Variants in FXN observed in about 807,000 individuals in gnomAD.
The protein encoded by FXN is frataxin, mitochondrial.
FXN carries 14 observed loss-of-function variants against 22.4 expected under a neutral mutation model. That is an observed-to-expected ratio of 0.62 (90% CI 0.41 to 0.98). The LOEUF is 0.98. Among genes scored for constraint, FXN ranks in the 50% least tolerant of loss-of-function variants. FXN has a pLI of 0.00. For synonymous variants in FXN, 120 were observed against 114.1 expected (o/e 1.05, Z -0.33); for missense variants, 267 against 268.4 (o/e 0.99, Z 0.04).
chr9:69,070,729 G>GT (rs201425763), intron 4 of FXN, among the ~76,000 whole-genome samples: 3,744 of 147,778 alleles, frequency 0.025, 139 homozygotes, highest in African/African-American at 0.087. Flanking sequence ...AAAAAATTTT[G>GT]TTTTTTTTTC....
At chr9:69,056,236 G>A (rs985463045) in intron 3 of FXN, among the ~76,000 whole-genome samples, 2 of 152,162 alleles carry the variant, frequency 1.3e-5, no homozygotes, top group Non-Finnish European at 2.9e-5. Flanking sequence ...ACTACCTGTA[G>A]GCAGGAAGCA....
chr9:69,063,251 C>T (rs1832107707), intron 3 of FXN, among the ~76,000 whole-genome samples: 1 of 152,112 alleles, frequency 6.6e-6, no homozygotes, highest in African/African-American at 2.4e-5. Flanking sequence ...TATCTTTTAT[C>T]GCTGGTTAAT....
Position 69,077,973 on chromosome 9 carries a change from G to C in FXN, c.*5211G>C. 1.0e-6 allele frequency: 1 copy of C among 984,750 alleles called. No homozygotes were observed. Among genetic ancestry groups the C allele is most frequent in the Non-Finnish European group, 1.2e-6 (1 of 829,404 alleles). The allele number at this position is 984,750 out of a possible 1,614,324, so 61.0% of individuals were successfully genotyped here. A position where few individuals can be genotyped will look rare whatever the true frequency, so the allele number is the denominator to read the frequency against. On this transcript the variant is annotated 3_prime_UTR_variant, in exon 5 of 5. Coordinates refer to ENST00000484259, the MANE Select transcript of FXN (RefSeq NM_000144.5). ...GTCTGCCATCTTAAGTGTAAAGGTGGCTAAATTATATAGAAAAATAAGACA... is the reference window on the plus strand; with the variant it reads ...GTCTGCCATCTTAAGTGTAAAGGTGCCTAAATTATATAGAAAAATAAGACA...
intron 3 of FXN, among the ~76,000 whole-genome samples, chr9:69,060,317 A>G (rs1341101038): frequency 2.6e-5 from 4 of 151,328 alleles, no homozygotes; most frequent in Admixed American, 2.0e-4. Context: ...CTTGCAGTGA[A>G]CCAAGATCGA....
intron 3 of FXN, among the ~76,000 whole-genome samples, chr9:69,060,340 T>C (rs1044175976): frequency 4.0e-5 from 6 of 150,074 alleles, no homozygotes; most frequent in East Asian, 3.9e-4. Flanking sequence ...CACTGCACTC[T>C]AGCCTGGGTG....
Position 69,072,627 on chromosome 9 carries a change from T to C in FXN, c.498T>C (p.Tyr166=), listed in dbSNP as rs1587832283. 3 of 1,614,192 alleles carry C rather than the reference T, an allele frequency of 1.9e-6. No homozygotes were observed. Among genetic ancestry groups the C allele is most frequent in the South Asian group, 1.1e-5 (1 of 91,078 alleles). Residue 166 remains tyrosine, a synonymous_variant, in exon 5 of 5, where the codon TAT becomes TAC. Transcript: ENST00000484259. ...LSSPSSGPKR[Y]DWTGKNWVYS... is the part of the protein sequence containing the mutation. ...TGTCTTCCAGTGGACCTAAGCGTTA[T>C]GACTGGACTGGGAAAAACTGGGTGT...
intron 3 of FXN, among the ~76,000 whole-genome samples, chr9:69,056,044 C>T (rs971806188): frequency 2.0e-5 from 3 of 151,780 alleles, no homozygotes; most frequent in Non-Finnish European, 4.4e-5. Context: ...CCACCATACT[C>T]GGCTAATTAT....
chr9:69,064,817 G>T (rs964036840), intron 3 of FXN, 121 bp from the exon 4 acceptor site: 10 of 704,744 alleles, frequency 1.4e-5, no homozygotes, highest in Middle Eastern at 6.9e-4. Context: ...TTTCTTTATG[G>T]TGTATTTTGT....
rs536918708 is a variant in FXN, at chr9:69,076,320, A to G, written c.*3558A>G. 43 of 985,186 alleles carry G rather than the reference A, an allele frequency of 4.4e-5. No homozygotes were observed. The South Asian group carries it at 1.6e-3, about 37-fold the overall frequency. 61.0% of individuals were successfully genotyped at this position (985,186 alleles called of 1,614,324 possible). A position where few individuals can be genotyped will look rare whatever the true frequency, so the allele number is the denominator to read the frequency against. On this transcript the variant is annotated 3_prime_UTR_variant, in exon 5 of 5. Coordinates refer to ENST00000484259, the MANE Select transcript of FXN (RefSeq NM_000144.5). ...TGTGAGAAGTACTCAGTTCATGACA[A>G]CTGTTGTTCTCACATGCATAGCATA...
At chr9:69,047,724 CT>C (rs139522465) in intron 2 of FXN, among the ~76,000 whole-genome samples, 2 of 151,296 alleles carry the variant, frequency 1.3e-5, no homozygotes, top group Non-Finnish European at 3.0e-5. Context: ...CTCTCTCTCT[CT>C]TTTTTTTTCT....
intron 3 of FXN, among the ~76,000 whole-genome samples, chr9:69,056,887 C>T (rs545018122): frequency 1.1e-4 from 16 of 147,632 alleles, no homozygotes; most frequent in Admixed American, 1.3e-4. Flanking sequence ...GGATTACAGG[C>T]GCCTGCCACC....
Position 69,077,799 on chromosome 9 carries a change from G to A in FXN, c.*5037G>A, listed in dbSNP as rs761716704. Reference sequence around the variant, plus strand: ...ACAAAAATTAGCTGGCCGTAGTGGCGCACGCCTGTTATCCCAGCTACTCGG... The same window carrying A: ...ACAAAAATTAGCTGGCCGTAGTGGCACACGCCTGTTATCCCAGCTACTCGG... On this transcript the variant is annotated 3_prime_UTR_variant, in exon 5 of 5. Coordinates refer to ENST00000484259, the MANE Select transcript of FXN (RefSeq NM_000144.5). 114 of 577,024 alleles carry A rather than the reference G, an allele frequency of 2.0e-4. No individual in the cohort carries two copies. The highest frequency in any genetic ancestry group is 2.2e-4 in the Non-Finnish European group (102 of 457,564). 35.7% of individuals were successfully genotyped at this position (577,024 alleles called of 1,614,324 possible). A position where few individuals can be genotyped will look rare whatever the true frequency, so the allele number is the denominator to read the frequency against.
intron 3 of FXN, among the ~76,000 whole-genome samples, chr9:69,061,861 A>AT (rs1460612764): frequency 5.3e-5 from 8 of 152,062 alleles, no homozygotes; most frequent in African/African-American, 1.9e-4. Flanking sequence ...TGAACTCATC[A>AT]TTTTTTATTG....
Position 69,076,388 on chromosome 9 carries a change from A to T in FXN, c.*3626A>T. 1 of 985,370 alleles carries T rather than the reference A, an allele frequency of 1.0e-6. No individual in the cohort carries two copies. Among genetic ancestry groups the T allele is most frequent in the Non-Finnish European group, 1.2e-6 (1 of 829,874 alleles). 61.0% of individuals were successfully genotyped at this position (985,370 alleles called of 1,614,324 possible). ...GAGGACTTCTCCCAAAATATGGATG[A>T]CGTTCCCTACTCAACCTTGAACTTA... On this transcript the variant is annotated 3_prime_UTR_variant, in exon 5 of 5. Transcript: ENST00000484259.
rs1400336721 is a variant in FXN at position 69,076,123 on chromosome 9, G to A, written c.*3361G>A. The A allele has an allele frequency of 8.1e-6, 8 of 984,868 alleles. No individual in the cohort carries two copies. The highest frequency in any genetic ancestry group is 3.5e-5 in the African/African-American group (2 of 57,192). 61.0% of individuals were successfully genotyped at this position (984,868 alleles called of 1,614,324 possible). A position where few individuals can be genotyped will look rare whatever the true frequency, so the allele number is the denominator to read the frequency against. ...TGGAATTACAAAGAAGGAATGAGGT[G>A]TGTAAAAGAGAACCTGGGTTTTTGA... On this transcript the variant is annotated 3_prime_UTR_variant, in exon 5 of 5. Transcript: ENST00000484259.
chr9:69,072,540 G>A (rs1309818800), intron 4 of FXN, 72 bp from the exon 5 acceptor site: 1 of 1,610,170 alleles, frequency 6.2e-7, no homozygotes, highest in African/African-American at 1.3e-5. Context: ...CTTGGGGGCA[G>A]CATTTGTGGA....
At chr9:69,040,675 A>T (rs939265514) in intron 1 of FXN, among the ~76,000 whole-genome samples, 10 of 152,096 alleles carry the variant, frequency 6.6e-5, no homozygotes, top group African/African-American at 1.2e-4. Flanking sequence ...CTCAAAGAAA[A>T]AAATAAATAA....
chr9:69,040,622 C>A (rs1298222525), intron 1 of FXN, among the ~76,000 whole-genome samples: 1 of 152,020 alleles, frequency 6.6e-6, no homozygotes, highest in Non-Finnish European at 1.5e-5. Context: ...GATCCGAGAT[C>A]GTGCCACTGC....
intron 4 of FXN, among the ~76,000 whole-genome samples, chr9:69,068,901 C>G (rs1396919720): frequency 6.6e-6 from 1 of 152,206 alleles, no homozygotes; most frequent in Non-Finnish European, 1.5e-5. Flanking sequence ...AAGCAGGCCT[C>G]CTGAACTTCC....
Sources: allele counts gnomAD v4.1 joint callset (sites outside exome capture counted in the v4.1 genomes callset), GRCh38; gene constraint gnomAD v4.1.1; transcripts MANE v1.5; gene names NCBI Gene and HGNC (gene_info 2026-07-23, HGNC 2026-07-21).